Variants in GABRG3 observed in about 807,000 individuals in gnomAD.
GABRG3 encodes gamma-aminobutyric acid type A receptor subunit gamma3.
GABRG3 carries 25 observed loss-of-function variants against 48.8 expected under a neutral mutation model. That is an observed-to-expected ratio of 0.51 (90% confidence interval 0.37 to 0.72). The LOEUF (loss-of-function observed/expected upper bound fraction) is 0.72, where lower values mean the gene tolerates loss of function less well. GABRG3 is among the 30% of genes least tolerant of loss of function. The pLI is 0.00. For synonymous variants in GABRG3, 227 were observed against 217.6 expected, an observed-to-expected ratio of 1.04 and a Z score of -0.38; for missense variants, 394 against 577.9, an observed-to-expected ratio of 0.68 and a Z score of 3.26.
chr15:27,309,111 TATAG>T (rs1391017212), intron 3 of GABRG3, among the ~76,000 whole-genome samples: 2 of 150,368 alleles, frequency 1.3e-5, no homozygotes, highest in East Asian at 1.9e-4. Flanking sequence ...CAGATGTTTA[TATAG>T]AAACATATAA....
At chr15:27,459,097 T>C (rs981032932) in intron 5 of GABRG3, among the ~76,000 whole-genome samples, 1 of 152,196 alleles carries the variant, frequency 6.6e-6, no homozygotes, top group South Asian at 2.1e-4. Context: ...CATGTGTTTG[T>C]GAACCTCAAA....
chr15:27,458,092 G>T (rs1392380509), intron 5 of GABRG3, among the ~76,000 whole-genome samples: 2 of 151,966 alleles, frequency 1.3e-5, no homozygotes, highest in Non-Finnish European at 2.9e-5. Context: ...CCCCCTCCCT[G>T]TATTGGTCAG....
At chr15:27,149,087 T>C (rs1432113669) in intron 3 of GABRG3, among the ~76,000 whole-genome samples, 1 of 152,052 alleles carries the variant, frequency 6.6e-6, no homozygotes, top group Non-Finnish European at 1.5e-5. Context: ...TGCTCTTGCA[T>C]ATAAAAAATT....
intron 3 of GABRG3, among the ~76,000 whole-genome samples, chr15:27,288,088 G>A (rs1051233900): frequency 6.6e-6 from 1 of 151,956 alleles, no homozygotes; most frequent in Non-Finnish European, 1.5e-5. Flanking sequence ...TTTTATTTAG[G>A]AATTTTGCCT....
chr15:27,134,670 G>A (rs754932627), intron 3 of GABRG3, among the ~76,000 whole-genome samples: 16 of 152,260 alleles, frequency 1.1e-4, no homozygotes, highest in East Asian at 1.9e-4. Context: ...ACGTTGTCAT[G>A]GTTTTGAAGG....
chr15:27,106,952 C>T (rs1897460450), intron 3 of GABRG3, among the ~76,000 whole-genome samples: 1 of 151,964 alleles, frequency 6.6e-6, no homozygotes, highest in Non-Finnish European at 1.5e-5. Flanking sequence ...ATATCCTGGC[C>T]TAGATAGCTT....
intron 5 of GABRG3, among the ~76,000 whole-genome samples, chr15:27,474,428 C>G (rs1288937882): frequency 6.6e-6 from 1 of 151,832 alleles, no homozygotes; most frequent in Non-Finnish European, 1.5e-5. Flanking sequence ...ACAAAAAATA[C>G]CAAGAGAGGA....
chr15:27,082,602 A>G (rs1426542012), intron 3 of GABRG3, among the ~76,000 whole-genome samples: 1 of 152,168 alleles, frequency 6.6e-6, no homozygotes, highest in East Asian at 1.9e-4. Context: ...CTGAAGAAGG[A>G]TGTTGTGGAG....
At chr15:27,338,135 G>A (rs1379456569) in intron 5 of GABRG3, among the ~76,000 whole-genome samples, 2 of 152,194 alleles carry the variant, frequency 1.3e-5, no homozygotes, top group Non-Finnish European at 2.9e-5. Flanking sequence ...GGTCGGGAAT[G>A]TGGGGTCAGC....
intron 3 of GABRG3, among the ~76,000 whole-genome samples, chr15:27,201,371 TGA>T (rs58833767): frequency 1.4e-4 from 21 of 146,198 alleles, no homozygotes; most frequent in African/African-American, 3.8e-4. Context: ...TGTGTGTGTG[TGA>T]GAGAGAAAGA....
At chr15:27,317,924 C>T (rs947210410) in intron 3 of GABRG3, among the ~76,000 whole-genome samples, 2 of 152,188 alleles carry the variant, frequency 1.3e-5, no homozygotes, top group Non-Finnish European at 2.9e-5. Flanking sequence ...ACACTCACTG[C>T]ATTCAAAACA....
chr15:27,447,272 C>T lies in GABRG3; in HGVS notation c.575-33378C>T, dbSNP rs1888971226. On this transcript the variant is annotated intron_variant, in intron 5 of 9. Transcript: ENST00000615808. The surrounding 1 kb of genome is among the most constrained non-coding windows in gnomAD (Gnocchi z 4.0). ...ACAGGCATGTCCCAGAAGCATCAGA[C>T]TAACCTGCAGCACCCCAGGGAAAGG... 6.6e-6 allele frequency among the ~76,000 whole-genome samples: 1 copy of T among 152,138 alleles called. No individual in the cohort carries two copies. Among genetic ancestry groups the T allele is most frequent in the Non-Finnish European group, 1.5e-5 (1 of 68,022 alleles).
chr15:27,484,592 CTTGG>C (rs2150846524), intron 6 of GABRG3, among the ~76,000 whole-genome samples: 1 of 152,300 alleles, frequency 6.6e-6, no homozygotes, highest in South Asian at 2.1e-4. Context: ...GTGCCCAGAT[CTTGG>C]TTTCTAATAT....
intron 5 of GABRG3, among the ~76,000 whole-genome samples, chr15:27,395,654 T>C (rs1243469968): frequency 6.6e-6 from 1 of 152,194 alleles, no homozygotes; most frequent in East Asian, 1.9e-4. Flanking sequence ...AATAGTCCTA[T>C]AAGAATTGGA....
At chr15:27,362,073 C>G (rs961092920) in intron 5 of GABRG3, among the ~76,000 whole-genome samples, 4 of 152,182 alleles carry the variant, frequency 2.6e-5, no homozygotes, top group Non-Finnish European at 5.9e-5. Flanking sequence ...GATAATGACA[C>G]ACGTTAATCA....
At chr15:27,027,433 C>CCGCCTG (rs937816617) in intron 3 of GABRG3, among the ~76,000 whole-genome samples, 4 of 152,230 alleles carry the variant, frequency 2.6e-5, no homozygotes, top group Non-Finnish European at 4.4e-5. Flanking sequence ...GGAGCTCCCC[C>CCGCCTG]CGCCTGCGGA....
chr15:27,213,172 A>G (rs560572165), intron 3 of GABRG3, among the ~76,000 whole-genome samples: 95 of 152,358 alleles, frequency 6.2e-4, no homozygotes, highest in African/African-American at 2.1e-3. Context: ...AAAACTCCTC[A>G]GTGACAAAAA....
chr15:27,119,522 G>A lies in GABRG3; in HGVS notation c.270+92701G>A, dbSNP rs187581885. On this transcript the variant is annotated intron_variant, in intron 3 of 9. Transcript: ENST00000615808. Reference sequence around the variant, plus strand: ...CAGGGGAGCACAGTGGTGTAAAGCCGCATACACTTACTGCCTCATGATTTC... The same window carrying A: ...CAGGGGAGCACAGTGGTGTAAAGCCACATACACTTACTGCCTCATGATTTC... Among the ~76,000 whole-genome samples the A allele has an allele frequency of 1.3e-4, 20 of 152,286 alleles. No individual in the cohort carries two copies. In the East Asian group the frequency reaches 2.1e-3, roughly 16 times the overall value.
intron 3 of GABRG3, among the ~76,000 whole-genome samples, chr15:27,096,472 G>C (rs1897266869): frequency 6.6e-6 from 1 of 152,200 alleles, no homozygotes; most frequent in Admixed American, 6.5e-5. Flanking sequence ...TTTGGACTTT[G>C]AAGCCAGGGC....
Sources: allele counts gnomAD v4.1 joint callset (sites outside exome capture counted in the v4.1 genomes callset), GRCh38; gene constraint gnomAD v4.1.1; non-coding constraint Gnocchi (gnomAD v3.1); transcripts MANE v1.5; gene names NCBI Gene and HGNC (gene_info 2026-07-23, HGNC 2026-07-21).